The following NECAB2 variants were observed in gnomAD, a reference collection of about 807,000 sequenced individuals.
The protein encoded by NECAB2 is N-terminal EF-hand calcium binding protein 2, also known as N-terminal EF-hand calcium-binding protein 2.
Under a neutral mutation model 51.9 loss-of-function variants are expected in NECAB2, and 68 were observed. The observed-to-expected ratio is 1.31, with a 90% CI of 1.08 to 1.60. NECAB2 has a LOEUF of 1.60. Ranked by LOEUF, NECAB2 falls within the 40% of genes most tolerant of loss-of-function variation. NECAB2 has a pLI of 0.00. For synonymous variants in NECAB2, 329 were observed against 203.5 expected, an observed-to-expected ratio of 1.62 and a Z score of -5.25; for missense variants, 854 against 490.3, an observed-to-expected ratio of 1.74 and a Z score of -7.00.
At chr16:83,979,795 C>A (rs962503130) in intron 3 of NECAB2, among the ~76,000 whole-genome samples, 8 of 152,070 alleles carry the variant, frequency 5.3e-5, no homozygotes, top group Non-Finnish European at 1.0e-4. Flanking sequence ...AAGGTCAAAG[C>A]TCTATAAAGA....
At chr16:83,993,737 C>T (rs975662298) in intron 6 of NECAB2, 1 of 159,924 alleles carries the variant, frequency 6.3e-6, no homozygotes, top group Admixed American at 6.0e-5. Flanking sequence ...TGAGTATGCA[C>T]AGGAGAGGGG....
intron 6 of NECAB2, among the ~76,000 whole-genome samples, chr16:83,991,950 C>G (rs979907328): frequency 1.3e-5 from 2 of 152,102 alleles, no homozygotes; most frequent in South Asian, 4.1e-4. Flanking sequence ...CCACCACACC[C>G]CAGCCCACTT....
chr16:83,998,652 T>C (rs1332266244), intron 10 of NECAB2, among the ~76,000 whole-genome samples: 1 of 152,232 alleles, frequency 6.6e-6, no homozygotes, highest in Admixed American at 6.5e-5. Flanking sequence ...GTGTGCCCCG[T>C]GCGCTCAGTC....
chr16:83,972,991 C>T (rs377357946), intron 2 of NECAB2, among the ~76,000 whole-genome samples: 2 of 152,230 alleles, frequency 1.3e-5, no homozygotes, highest in Non-Finnish European at 2.9e-5. Context: ...TTGGTTTTCC[C>T]GTGGGTAAAG....
chr16:83,981,303 G>C (rs555424870), intron 5 of NECAB2, among the ~76,000 whole-genome samples, 176 bp downstream of exon 5: 2 of 152,236 alleles, frequency 1.3e-5, no homozygotes, highest in South Asian at 4.1e-4. Flanking sequence ...GAATAGAATG[G>C]TTTGGTGAAT....
chr16:83,990,074 C>T (rs1400958114), intron 5 of NECAB2, among the ~76,000 whole-genome samples: 3 of 152,212 alleles, frequency 2.0e-5, no homozygotes, highest in African/African-American at 7.2e-5. Context: ...GTCACAGCAA[C>T]AACAAAACTA....
At chr16:83,974,371 CT>C (rs769866325) in intron 2 of NECAB2, among the ~76,000 whole-genome samples, 5 of 152,172 alleles carry the variant, frequency 3.3e-5, no homozygotes, top group Non-Finnish European at 7.3e-5. Flanking sequence ...TAGATAGTTG[CT>C]CTCCTGGCTT....
chr16:83,995,858 C>G (rs932380566), intron 8 of NECAB2, among the ~76,000 whole-genome samples: 1 of 152,170 alleles, frequency 6.6e-6, no homozygotes, highest in Admixed American at 6.5e-5. Flanking sequence ...GCTGCGGGAG[C>G]GGCTCGGAGG....
chr16:83,982,533 C>T (rs886562544), intron 5 of NECAB2, among the ~76,000 whole-genome samples: 20 of 152,184 alleles, frequency 1.3e-4, no homozygotes, highest in African/African-American at 4.8e-4. Flanking sequence ...TGTGTGAGGT[C>T]ACCATGTGCT....
At chr16:83,999,259 T>TA (rs1311289609) in intron 10 of NECAB2, among the ~76,000 whole-genome samples, 2 of 148,972 alleles carry the variant, frequency 1.3e-5, no homozygotes, top group African/African-American at 5.1e-5. Context: ...CTTGAGTAAG[T>TA]AGCCAGGATG....
intron 1 of NECAB2, among the ~76,000 whole-genome samples, chr16:83,969,587 C>T (rs1192001836): frequency 6.6e-6 from 1 of 152,098 alleles, no homozygotes. Flanking sequence ...CCTAACTCCC[C>T]TGGGACCCAA....
rs761041700 is a variant in NECAB2 at position 84,001,866 on chromosome 16, A to C, written c.1082A>C (p.Lys361Thr). 2 of 1,614,150 alleles carry C rather than the reference A, an allele frequency of 1.2e-6. No homozygotes were observed. The highest frequency in any genetic ancestry group is 1.7e-6 in the Non-Finnish European group (2 of 1,180,006). Residue 361 changes from lysine (K) to threonine (T), a missense_variant, in exon 12 of 13, where the codon AAG (lysine) becomes ACG (threonine). Lys to Thr is a moderately conservative substitution (Grantham distance 78). Transcript: ENST00000305202. The part of the protein sequence containing the change: ...SPLCKAFRHV[K>T]VDTLSQPEAL... The stretch of plus-strand genomic sequence containing the variant: ...CTGTGTAAGGCGTTCCGGCACGTCA[A>C]GGTGGACACACTGAGCCAGCCTGAG...
At chr16:83,996,403 G>T (rs1240216226) in intron 8 of NECAB2, among the ~76,000 whole-genome samples, 1 of 152,208 alleles carries the variant, frequency 6.6e-6, no homozygotes, top group East Asian at 1.9e-4. Flanking sequence ...CAAACATTTA[G>T]AACGTCACGG....
intron 5 of NECAB2, among the ~76,000 whole-genome samples, chr16:83,988,470 T>TC (rs1158372154): frequency 6.6e-6 from 1 of 152,356 alleles, no homozygotes; most frequent in African/African-American, 2.4e-5. Flanking sequence ...TAGGCTTTTT[T>TC]CCCCTATGCT....
At chr16:83,970,370 T>G (rs2084334913) in intron 1 of NECAB2, among the ~76,000 whole-genome samples, 1 of 151,900 alleles carries the variant, frequency 6.6e-6, no homozygotes, top group South Asian at 2.1e-4. Context: ...GACCCCAGTT[T>G]TGAGGAGCCT....
intron 8 of NECAB2, 21 bp downstream of exon 8, chr16:83,994,709 G>A (rs764347075): frequency 1.3e-5 from 21 of 1,613,140 alleles, no homozygotes; most frequent in South Asian, 3.3e-5. Context: ...GCCTGACCAC[G>A]GCGTCTACTC....
chr16:84,001,937 A>C (rs2271301), intron 12 of NECAB2, 21 bp downstream of exon 12: 33,705 of 1,610,404 alleles, frequency 0.021, 597 homozygotes, highest in East Asian at 0.11. Context: ...AAGGCCTGGA[A>C]CTGCAGTGGC....
rs2084477870 is a variant in NECAB2 at position 83,980,836 on chromosome 16, C to T, written c.336-3C>T. On this transcript the variant is annotated splice_region_variant and splice_polypyrimidine_tract_variant and intron_variant, in intron 3 of 12. Coordinates refer to ENST00000305202, the MANE Select transcript of NECAB2 (RefSeq NM_019065.3). ...CTGTCTCTGCCTCTGTCTGTCTCTG[C>T]AGCCATGTGGACACCAAGGAGCTGT... 1.9e-6 allele frequency: 3 copies of T among 1,585,100 alleles called. No individual in the cohort carries two copies. The highest frequency in any genetic ancestry group is 2.6e-6 in the Non-Finnish European group (3 of 1,165,136).
intron 5 of NECAB2, among the ~76,000 whole-genome samples, chr16:83,986,309 G>A (rs562109864): frequency 1.8e-4 from 27 of 152,220 alleles, no homozygotes; most frequent in African/African-American, 5.8e-4. Context: ...GAGCCACTGC[G>A]CCCAGCCCAA....
Sources: allele counts gnomAD v4.1 joint callset (sites outside exome capture counted in the v4.1 genomes callset), GRCh38; gene constraint gnomAD v4.1.1; transcripts MANE v1.5; gene names NCBI Gene and HGNC (gene_info 2026-07-23, HGNC 2026-07-21).